NRIP1: variants seen among roughly 807,000 people sequenced by gnomAD.
NRIP1 encodes the protein nuclear receptor-interacting protein 1.
A neutral mutation model predicts 75.0 loss-of-function variants in NRIP1; 28 were observed. That is an observed-to-expected ratio of 0.37 (90% CI 0.28 to 0.51). The LOEUF (loss-of-function observed/expected upper bound fraction) is 0.51. Among genes scored for constraint, NRIP1 ranks in the 20% least tolerant of loss-of-function variants. The probability of loss-of-function intolerance (pLI) is 0.92; values close to 1 mark genes in which losing one functional copy is unlikely to be tolerated. For missense variants in NRIP1, 1,435 were observed against 1,343.7 expected, an observed-to-expected ratio of 1.07 and a Z score of -1.06; for synonymous variants, 526 against 487.6, an observed-to-expected ratio of 1.08 and a Z score of -1.04.
intron 3 of NRIP1, among the ~76,000 whole-genome samples, chr21:15,005,682 T>A (rs2147135536): frequency 6.6e-6 from 1 of 152,270 alleles, no homozygotes; most frequent in East Asian, 1.9e-4. Context: ...GAAGCAAAAT[T>A]AAAAACAAGG....
intron 3 of NRIP1, among the ~76,000 whole-genome samples, chr21:14,979,666 A>G (rs2087174437): frequency 6.6e-6 from 1 of 150,544 alleles, no homozygotes; most frequent in Admixed American, 6.7e-5. Context: ...ATCAAGAATA[A>G]GAGGAGAAAC....
chr21:14,999,583 G>A (rs771385522), intron 3 of NRIP1, among the ~76,000 whole-genome samples: 31 of 152,112 alleles, frequency 2.0e-4, no homozygotes, highest in Non-Finnish European at 4.6e-4. Context: ...GATGATTTGT[G>A]TTTTAGCCCT....
Position 14,980,959 on chromosome 21 carries a change from T to C in NRIP1, c.-334-12433A>G, listed in dbSNP as rs567976611. ...GACTTATATGACATCACTCTAGTCA[T>C]TACAGGCTCCAAACACAAAGATATC... On this transcript the variant is annotated intron_variant, in intron 3 of 3. Coordinates refer to ENST00000318948, the MANE Select transcript of NRIP1 (RefSeq NM_003489.4). Among the ~76,000 whole-genome samples the C allele has an allele frequency of 6.6e-5, 10 of 152,328 alleles. No individual in the cohort carries two copies. The South Asian group carries it at 2.1e-3, about 32-fold the overall frequency.
intron 3 of NRIP1, among the ~76,000 whole-genome samples, chr21:14,970,395 A>C (rs2086869737): frequency 6.6e-6 from 1 of 152,068 alleles, no homozygotes; most frequent in African/African-American, 2.4e-5. Context: ...AAAATACAAA[A>C]ATTAGCCGGG....
intron 3 of NRIP1, among the ~76,000 whole-genome samples, chr21:15,000,946 T>C (rs1268887162): frequency 2.0e-5 from 3 of 152,168 alleles, no homozygotes; most frequent in East Asian, 3.8e-4. Flanking sequence ...GAGTGATATA[T>C]TTATTATTAA....
intron 3 of NRIP1, among the ~76,000 whole-genome samples, chr21:14,976,945 T>G (rs990497540): frequency 1.3e-5 from 2 of 152,162 alleles, no homozygotes; most frequent in Non-Finnish European, 2.9e-5. Flanking sequence ...GTCCATGAGA[T>G]CTCCCCCAAT....
chr21:15,012,440 A>G (rs2088124998), intron 3 of NRIP1, among the ~76,000 whole-genome samples: 1 of 138,500 alleles, frequency 7.2e-6, no homozygotes, highest in Admixed American at 7.5e-5. Flanking sequence ...ACTATACATT[A>G]TAATGTCTTT....
intron 1 of NRIP1, among the ~76,000 whole-genome samples, chr21:15,047,315 G>A (rs965844327): frequency 1.5e-4 from 23 of 152,168 alleles, no homozygotes; most frequent in Admixed American, 1.1e-3. Flanking sequence ...GCCGAGGCAG[G>A]CAGATCACGA....
rs148752226 is a variant in NRIP1, at chr21:14,998,715, A to G, written c.-335+15629T>C. On this transcript the variant is annotated intron_variant, in intron 3 of 3. Coordinates refer to ENST00000318948, the MANE Select transcript of NRIP1 (RefSeq NM_003489.4). ...TATTATGATCTACTTCCACTTAGCA[A>G]AGAGTGAATATATTTTCTCTTCCTT... Among the ~76,000 whole-genome samples, 198 of 152,314 alleles carry G rather than the reference A, an allele frequency of 1.3e-3. 1 individual carries two copies. The highest frequency in any genetic ancestry group is 4.6e-3 in the African/African-American group (192 of 41,570).
At chr21:15,012,843 A>G (rs558463793) in intron 3 of NRIP1, among the ~76,000 whole-genome samples, 1 of 152,192 alleles carries the variant, frequency 6.6e-6, no homozygotes, top group Non-Finnish European at 1.5e-5. Flanking sequence ...GGCTACCTAT[A>G]ATTTACTTAT....
At chr21:15,042,768 G>T (rs1214279052) in intron 2 of NRIP1, among the ~76,000 whole-genome samples, 1 of 152,162 alleles carries the variant, frequency 6.6e-6, no homozygotes, top group Non-Finnish European at 1.5e-5. Context: ...AACCTCTATG[G>T]TGTATAAGCC....
intron 3 of NRIP1, among the ~76,000 whole-genome samples, chr21:14,981,549 T>C (rs538609125): frequency 6.6e-6 from 1 of 152,262 alleles, no homozygotes; most frequent in African/African-American, 2.4e-5. Context: ...TCCGGTGTGC[T>C]GAGGAGACAG....
At chr21:14,982,877 G>A (rs952437695) in intron 3 of NRIP1, among the ~76,000 whole-genome samples, 1 of 151,712 alleles carries the variant, frequency 6.6e-6, no homozygotes, top group East Asian at 1.9e-4. Context: ...TATCTGCTAC[G>A]GTGATGTGTG....
intron 1 of NRIP1, chr21:15,051,048 G>A: frequency 7.8e-6 from 3 of 383,678 alleles, no homozygotes; most frequent in South Asian, 5.8e-5. Context: ...TACCCGCCCT[G>A]CCTTGCCTTT....
intron 3 of NRIP1, among the ~76,000 whole-genome samples, chr21:14,983,395 C>T (rs181032709): frequency 1.3e-5 from 2 of 152,266 alleles, no homozygotes; most frequent in Admixed American, 1.3e-4. Context: ...CCCTAACTCT[C>T]TTCAATTCTA....
At chr21:15,057,318 G>A (rs2089327975) in intron 1 of NRIP1, among the ~76,000 whole-genome samples, 1 of 152,288 alleles carries the variant, frequency 6.6e-6, no homozygotes, top group East Asian at 1.9e-4. Context: ...ACCATGACAA[G>A]CTATTTCAAT....
chr21:14,986,346 C>G (rs2087402200), intron 3 of NRIP1, among the ~76,000 whole-genome samples: 1 of 152,070 alleles, frequency 6.6e-6, no homozygotes, highest in South Asian at 2.1e-4. Context: ...CAACCATTAC[C>G]CAAATAAGTC....
chr21:15,023,425 T>C (rs1188533307), intron 2 of NRIP1, among the ~76,000 whole-genome samples: 2 of 152,168 alleles, frequency 1.3e-5, no homozygotes, highest in Non-Finnish European at 2.9e-5. Flanking sequence ...AACTGTATTT[T>C]TGTACACCAG....
chr21:15,015,379 T>C (rs2147179545), intron 2 of NRIP1, among the ~76,000 whole-genome samples: 1 of 152,272 alleles, frequency 6.6e-6, no homozygotes, highest in African/African-American at 2.4e-5. Context: ...ATATGTGCAG[T>C]TTATTCATCA....
Sources: gnomAD v4.1 joint callset for allele counts (sites outside exome capture counted in the v4.1 genomes callset) on GRCh38, gnomAD v4.1.1 for gene constraint, MANE v1.5 for transcripts, NCBI Gene and HGNC (gene_info 2026-07-23, HGNC 2026-07-21) for gene names.